The following ACSBG2 variants were observed in gnomAD, a reference collection of about 807,000 sequenced individuals.
ACSBG2 encodes the protein long-chain-fatty-acid--CoA ligase ACSBG2.
A neutral mutation model predicts 74.7 loss-of-function variants in ACSBG2; 62 were observed. That is an observed-to-expected ratio of 0.83 (90% CI 0.68 to 1.03). ACSBG2 has a LOEUF of 1.03. ACSBG2 is among the 50% of genes least tolerant of loss of function. ACSBG2 has a pLI of 0.00. For missense variants in ACSBG2, 730 were observed against 817.6 expected, an observed-to-expected ratio of 0.89 and a Z score of 1.31; for synonymous variants, 309 against 294.1, an observed-to-expected ratio of 1.05 and a Z score of -0.52.
intron 2 of ACSBG2, 40 bp downstream of exon 2, chr19:6,141,650 C>T (rs1398614194): frequency 1.6e-6 from 2 of 1,265,316 alleles, no homozygotes; most frequent in Admixed American, 1.7e-5. Context: ...GAGAGTGGCA[C>T]ATTGATTCCA....
intron 4 of ACSBG2, among the ~76,000 whole-genome samples, chr19:6,152,219 C>CCT (rs1423342941): frequency 6.6e-6 from 1 of 152,010 alleles, no homozygotes; most frequent in Non-Finnish European, 1.5e-5. Flanking sequence ...CTCATGCGAT[C>CCT]CTCCCAACTC....
intron 8 of ACSBG2, among the ~76,000 whole-genome samples, chr19:6,182,405 G>T (rs909563408): frequency 6.6e-6 from 1 of 152,166 alleles, no homozygotes; most frequent in Non-Finnish European, 1.5e-5. Context: ...GTGTTGCAAA[G>T]AACGTCTTGA....
At chr19:6,151,538 T>C (rs10422296) in intron 3 of ACSBG2, among the ~76,000 whole-genome samples, 169 bp from the exon 4 acceptor site, 103,892 of 152,070 alleles carry the variant, frequency 0.68, 35,872 homozygotes, top group Admixed American at 0.73. Context: ...CTCGAACTTC[T>C]GGCCTCAAGC....
chr19:6,137,139 A>G (rs932036117), intron 1 of ACSBG2, among the ~76,000 whole-genome samples: 1 of 147,168 alleles, frequency 6.8e-6, no homozygotes, highest in Non-Finnish European at 1.5e-5. Context: ...ATTTATAAAG[A>G]AAAGAGGGGC....
intron 2 of ACSBG2, among the ~76,000 whole-genome samples, chr19:6,144,142 C>T (rs1169381031): frequency 3.9e-5 from 6 of 151,996 alleles, no homozygotes; most frequent in Non-Finnish European, 8.8e-5. Context: ...GGACAACAGG[C>T]GCGTGCCACC....
intron 7 of ACSBG2, among the ~76,000 whole-genome samples, chr19:6,167,273 G>T (rs1216024530): frequency 2.6e-5 from 4 of 152,192 alleles, no homozygotes; most frequent in Non-Finnish European, 4.4e-5. Context: ...CATGTAAGCT[G>T]GTGTGACATT....
intron 6 of ACSBG2, among the ~76,000 whole-genome samples, chr19:6,163,615 C>A (rs1168192119): frequency 1.3e-5 from 2 of 151,670 alleles, no homozygotes; most frequent in African/African-American, 2.4e-5. Flanking sequence ...GTGGCACGCA[C>A]CTGTAGTCTC....
At chr19:6,169,490 G>T (rs1000294206) in intron 7 of ACSBG2, among the ~76,000 whole-genome samples, 6 of 152,132 alleles carry the variant, frequency 3.9e-5, no homozygotes, top group African/African-American at 1.4e-4. Context: ...AGTTACTATA[G>T]CCTTGTAGTA....
chr19:6,181,897 T>C (rs1193192790), intron 8 of ACSBG2, among the ~76,000 whole-genome samples: 2 of 149,938 alleles, frequency 1.3e-5, no homozygotes, highest in Non-Finnish European at 3.0e-5. Flanking sequence ...GGATCTTCTA[T>C]TTTGTTCCAC....
At position 6,156,479 on chromosome 19, in the gene ACSBG2, A is replaced by G. The variant is rs1463912417; in HGVS notation, c.435A>G (p.Gln145=). Residue 145 remains glutamine, a synonymous_variant, in exon 5 of 15, where the codon CAA becomes CAG. Transcript: ENST00000588485. ...CCACCAACTCTGCCGAGGTTTGTCA[A>G]TATGTCATCACTCATGCCAAAGTGA... The part of the protein sequence containing the change: ...IYATNSAEVC[Q]YVITHAKVNI... 52 of 1,595,684 alleles carry G rather than the reference A, an allele frequency of 3.3e-5. No homozygotes were observed. Among genetic ancestry groups the G allele is most frequent in the Non-Finnish European group, 4.1e-5 (48 of 1,173,176 alleles).
At chr19:6,176,001 C>T in intron 7 of ACSBG2, 1 of 206,624 alleles carries the variant, frequency 4.8e-6, no homozygotes, top group Non-Finnish European at 9.7e-6. Flanking sequence ...GGGACACTTG[C>T]TGAATCCAGT....
rs11880287 is a variant in ACSBG2, at chr19:6,159,440, C to T, written c.508-1775C>T. Among the ~76,000 whole-genome samples the T allele has an allele frequency of 5.2e-3, 792 of 152,258 alleles. 6 individuals are homozygous for T. Among genetic ancestry groups the T allele is most frequent in the African/African-American group, 0.018 (729 of 41,550 alleles). On this transcript the variant is annotated intron_variant, in intron 5 of 14. Coordinates refer to ENST00000588485, the MANE Select transcript of ACSBG2 (RefSeq NM_030924.5). The stretch of plus-strand genomic sequence containing the variant: ...AAAATGCCACATACACAACCTTCCC[C>T]TCTACACCCACCTGGCTGCTGTGGA...
intron 2 of ACSBG2, among the ~76,000 whole-genome samples, chr19:6,145,991 G>A (rs914098553): frequency 4.6e-5 from 7 of 152,158 alleles, no homozygotes; most frequent in Admixed American, 3.9e-4. Context: ...CCCCATGAAC[G>A]ACACACATAA....
intron 7 of ACSBG2, among the ~76,000 whole-genome samples, chr19:6,168,890 T>G (rs1203277517): frequency 6.6e-6 from 1 of 152,156 alleles, no homozygotes; most frequent in Non-Finnish European, 1.5e-5. Flanking sequence ...ACAATTCTCC[T>G]GCCTCAGCCT....
chr19:6,192,720 GCT>G lies in ACSBG2; in HGVS notation c.*92_*93del, dbSNP rs1248423316. 1 of 152,220 alleles carries G rather than the reference GCT, an allele frequency of 6.6e-6. No individual in the cohort carries two copies. The highest frequency in any genetic ancestry group is 1.5e-5 in the Non-Finnish European group (1 of 68,038). 9.4% of individuals were successfully genotyped at this position (152,220 alleles called of 1,614,324 possible). A position where few individuals can be genotyped will look rare whatever the true frequency, so the allele number is the denominator to read the frequency against. On this transcript the variant is annotated 3_prime_UTR_variant, in exon 15 of 15. Coordinates refer to ENST00000588485, the MANE Select transcript of ACSBG2 (RefSeq NM_030924.5). ...AAGTGAAATGCTGCTCTAGGTAGAA[GCT>G]CTCCCTGCTGTTTTTAAGAAGCCAC...
intron 2 of ACSBG2, among the ~76,000 whole-genome samples, chr19:6,143,306 G>T (rs1339977462): frequency 2.0e-5 from 3 of 151,818 alleles, no homozygotes; most frequent in Non-Finnish European, 4.4e-5. Flanking sequence ...TGAGATGAAG[G>T]TGTGGGTAGT....
intron 6 of ACSBG2, among the ~76,000 whole-genome samples, chr19:6,165,031 C>T (rs1030644218): frequency 1.3e-5 from 2 of 152,190 alleles, no homozygotes; most frequent in African/African-American, 4.8e-5. Context: ...AATAAGGATG[C>T]CTTTGGTCGT....
At chr19:6,159,150 A>G (rs1017320372) in intron 5 of ACSBG2, among the ~76,000 whole-genome samples, 10 of 152,000 alleles carry the variant, frequency 6.6e-5, no homozygotes, top group African/African-American at 2.4e-4. Context: ...TCAAGACTGG[A>G]TTTCGCCATG....
At chr19:6,158,520 C>T (rs1161077951) in intron 5 of ACSBG2, among the ~76,000 whole-genome samples, 1 of 150,538 alleles carries the variant, frequency 6.6e-6, no homozygotes, top group Non-Finnish European at 1.5e-5. Context: ...GAATGAGCTG[C>T]AGTTTGCTGT....
Sources: allele counts gnomAD v4.1 joint callset (sites outside exome capture counted in the v4.1 genomes callset), GRCh38; gene constraint gnomAD v4.1.1; transcripts MANE v1.5; gene names NCBI Gene and HGNC (gene_info 2026-07-23, HGNC 2026-07-21).